The following NAV2 variants were observed in gnomAD, a reference collection of about 807,000 sequenced individuals.
NAV2 encodes neuron navigator 2, also known as helicase, APC down-regulated 1.
In NAV2, 54 loss-of-function variants were observed where a neutral mutation model predicts 223.2. The ratio of observed to expected loss-of-function variants is 0.24; its 90% CI spans 0.19 to 0.30. NAV2 has a LOEUF of 0.30. Among genes scored for constraint, NAV2 ranks in the 10% least tolerant of loss-of-function variants. The probability of loss-of-function intolerance (pLI) is 1.00; values close to 1 mark genes in which losing one functional copy is unlikely to be tolerated. For synonymous variants in NAV2, 1,279 were observed against 1,239.3 expected (o/e 1.03, Z -0.67); for missense variants, 2,806 against 3,147.5 (o/e 0.89, Z 2.60).
chr11:19,566,890 A>G lies in NAV2; in HGVS notation c.75+215863A>G, dbSNP rs113556486. On this transcript the variant is annotated intron_variant, in intron 1 of 37. Coordinates refer to the NAV2 transcript ENST00000360655. ...TAACTCAAATCCATGTATTTTCACCATTGCCTGTGAGAAAGAATCTTCCAT... is the reference window on the plus strand; with the variant it reads ...TAACTCAAATCCATGTATTTTCACCGTTGCCTGTGAGAAAGAATCTTCCAT... Among the ~76,000 whole-genome samples the G allele has an allele frequency of 2.2e-3, 332 of 152,302 alleles. 1 individual carries two copies. The highest frequency in any genetic ancestry group is 7.7e-3 in the African/African-American group (321 of 41,560).
chr11:19,648,545 CAGA>C (rs1278810445), intron 1 of NAV2, among the ~76,000 whole-genome samples: 1 of 152,162 alleles, frequency 6.6e-6, no homozygotes, highest in Non-Finnish European at 1.5e-5. Context: ...TCATGAGTCT[CAGA>C]AGCCCAGTCC....
intron 30 of NAV2, among the ~76,000 whole-genome samples, chr11:20,096,939 T>TA (rs768197987): frequency 3.9e-4 from 59 of 152,200 alleles, no homozygotes; most frequent in Non-Finnish European, 6.3e-4. Flanking sequence ...GGCATCATAG[T>TA]AAGTGAGGAA....
chr11:19,886,322 A>C (rs1273118429), intron 5 of NAV2, among the ~76,000 whole-genome samples: 1 of 152,204 alleles, frequency 6.6e-6, no homozygotes, highest in Non-Finnish European at 1.5e-5. Context: ...GGGGAGACCC[A>C]GGTCAGGCTC....
chr11:19,910,674 C>T (rs1300199996), intron 6 of NAV2, among the ~76,000 whole-genome samples: 1 of 152,040 alleles, frequency 6.6e-6, no homozygotes, highest in African/African-American at 2.4e-5. Flanking sequence ...GCCTGGGCTA[C>T]GTGGTGAAAC....
In NAV2 at chr11:19,759,266, G is replaced by T. The variant is rs752287747; in HGVS notation, c.267+45304G>T. On this transcript the variant is annotated intron_variant, in intron 1 of 37. Coordinates refer to ENST00000349880, the MANE Select transcript of NAV2 (RefSeq NM_145117.5). ...CCCGGCTAATTTTTTTGTATTTTTA[G>T]TAGAGACGGGGTTTCACCGTGTTAG... is the stretch of plus-strand genomic sequence containing the variant. Among the ~76,000 whole-genome samples, 20 of 151,970 alleles carry T rather than the reference G, an allele frequency of 1.3e-4. 1 individual carries two copies. The highest frequency in any genetic ancestry group is 2.1e-4 in the South Asian group (1 of 4,808).
chr11:19,858,072 G>A (rs2061493671), intron 3 of NAV2, among the ~76,000 whole-genome samples: 2 of 152,152 alleles, frequency 1.3e-5, no homozygotes, highest in Admixed American at 1.3e-4. Flanking sequence ...TAGCCAGGAT[G>A]GTCTCGATCT....
At chr11:19,754,786 C>T (rs1346380218) in intron 1 of NAV2, among the ~76,000 whole-genome samples, 2 of 152,178 alleles carry the variant, frequency 1.3e-5, no homozygotes, top group East Asian at 3.8e-4. Flanking sequence ...GAGGATTGAG[C>T]TCATCTTGTA....
At chr11:19,987,460 G>A (rs190126620) in intron 11 of NAV2, among the ~76,000 whole-genome samples, 613 of 152,302 alleles carry the variant, frequency 4.0e-3, no homozygotes, top group Middle Eastern at 6.8e-3. Flanking sequence ...CTCAGCAAAC[G>A]AAAGAAAGGC....
At chr11:19,675,497 T>C (rs2135838891) in intron 1 of NAV2, among the ~76,000 whole-genome samples, 1 of 152,320 alleles carries the variant, frequency 6.6e-6, no homozygotes, top group Admixed American at 6.5e-5. Flanking sequence ...TAGTTGCTTT[T>C]CTGTCTCCTT....
chr11:19,583,070 T>A (rs1392405040), intron 1 of NAV2, among the ~76,000 whole-genome samples: 1 of 152,238 alleles, frequency 6.6e-6, no homozygotes, highest in Non-Finnish European at 1.5e-5. Flanking sequence ...TGGTTTGTAG[T>A]TCTCCTTGAA....
chr11:19,458,162 T>C (rs1279806745), intron 1 of NAV2, among the ~76,000 whole-genome samples: 1 of 151,830 alleles, frequency 6.6e-6, no homozygotes, highest in Non-Finnish European at 1.5e-5. Context: ...GCGGAGGAGG[T>C]CCTGAGGAGT....
chr11:19,879,256 C>T (rs540594030), intron 4 of NAV2, among the ~76,000 whole-genome samples: 1 of 152,324 alleles, frequency 6.6e-6, no homozygotes, highest in South Asian at 2.1e-4. Context: ...AAAATTTGTT[C>T]CCACTCTGTT....
At chr11:20,043,158 G>A (rs906807799) in intron 12 of NAV2, among the ~76,000 whole-genome samples, 4 of 152,164 alleles carry the variant, frequency 2.6e-5, no homozygotes, top group Non-Finnish European at 2.9e-5. Flanking sequence ...CCTGATTTGC[G>A]TAGAACCAGC....
intron 22 of NAV2, among the ~76,000 whole-genome samples, chr11:20,075,417 A>G (rs1293238580): frequency 2.7e-5 from 4 of 145,754 alleles, no homozygotes; most frequent in South Asian, 2.2e-4. Context: ...TTGTTTTTGT[A>G]TTTTTAGTAG....
chr11:19,661,318 A>G (rs2048277689), intron 1 of NAV2, among the ~76,000 whole-genome samples: 1 of 152,082 alleles, frequency 6.6e-6, no homozygotes, highest in Non-Finnish European at 1.5e-5. Context: ...TACTGTCTGG[A>G]TATACCACAT....
intron 6 of NAV2, among the ~76,000 whole-genome samples, chr11:19,928,633 A>C (rs1351371452): frequency 2.0e-5 from 3 of 152,208 alleles, no homozygotes; most frequent in African/African-American, 4.8e-5. Context: ...CAAGCAGCTC[A>C]TCTAATGTTG....
chr11:20,009,891 G>A (rs927846441), intron 11 of NAV2, among the ~76,000 whole-genome samples: 1 of 151,972 alleles, frequency 6.6e-6, no homozygotes, highest in African/African-American at 2.4e-5. Context: ...CCACACCAAA[G>A]ACCAGATTGG....
chr11:19,642,409 G>A (rs1226139592), intron 1 of NAV2, among the ~76,000 whole-genome samples: 1 of 152,156 alleles, frequency 6.6e-6, no homozygotes, highest in African/African-American at 2.4e-5. Flanking sequence ...GTTATTTTGA[G>A]CAAACTTCCA....
chr11:19,426,713 G>T (rs55667435), intron 1 of NAV2, among the ~76,000 whole-genome samples: 5 of 151,742 alleles, frequency 3.3e-5, no homozygotes, highest in Non-Finnish European at 7.4e-5. Context: ...TTTTTAGTTG[G>T]GGGGCGGGGT....
Sources: allele counts gnomAD v4.1 joint callset (sites outside exome capture counted in the v4.1 genomes callset), GRCh38; gene constraint gnomAD v4.1.1; transcripts MANE v1.5; gene names NCBI Gene and HGNC (gene_info 2026-07-23, HGNC 2026-07-21).